Variants in PLCB3 observed in about 807,000 individuals in gnomAD.
The protein encoded by PLCB3 is phospholipase C beta 3.
In PLCB3, 54 loss-of-function variants were observed where a neutral mutation model predicts 152.1. The observed-to-expected ratio is 0.36, with a 90% confidence interval of 0.29 to 0.45. PLCB3 has a LOEUF of 0.45. Among genes scored for constraint, PLCB3 ranks in the 20% least tolerant of loss-of-function variants. The probability of loss-of-function intolerance (pLI) is 1.00; values close to 1 mark genes in which losing one functional copy is unlikely to be tolerated. For synonymous variants in PLCB3, 717 were observed against 698.7 expected, an observed-to-expected ratio of 1.03 and a Z score of -0.41; for missense variants, 1,248 against 1,687.5, an observed-to-expected ratio of 0.74 and a Z score of 4.56.
intron 19 of PLCB3, 80 bp downstream of exon 19, chr11:64,262,888 A>G (rs891604855): frequency 7.0e-7 from 1 of 1,432,432 alleles, no homozygotes; most frequent in Non-Finnish European, 9.6e-7. Context: ...GAGAACAGGA[A>G]CCAGGCACAC....
intron 1 of PLCB3, 64 bp downstream of exon 1, chr11:64,251,812 G>T (rs1024630954): frequency 2.5e-4 from 252 of 992,034 alleles, no homozygotes; most frequent in Admixed American, 1.3e-3. Flanking sequence ...TCGACCAGAC[G>T]CTGGGGACCC....
intron 25 of PLCB3, 69 bp downstream of exon 25, chr11:64,265,571 C>A: frequency 6.6e-7 from 1 of 1,504,702 alleles, no homozygotes; most frequent in South Asian, 1.2e-5. Flanking sequence ...GGTCGGTGGG[C>A]ATGGAGAGAT....
rs1388399699 is a variant in PLCB3, at chr11:64,251,758, C to A, written c.99+10C>A. The A allele has an allele frequency of 7.1e-6, 10 of 1,409,964 alleles. No homozygotes were observed. The highest frequency in any genetic ancestry group is 1.5e-5 in the African/African-American group (1 of 66,912). The allele number at this position is 1,409,964 out of a possible 1,614,324, so 87.3% of individuals were successfully genotyped here. A position where few individuals can be genotyped will look rare whatever the true frequency, so the allele number is the denominator to read the frequency against. On this transcript the variant is annotated intron_variant, in intron 1 of 30. Transcript: ENST00000279230. ...CATCAAATGGGACGAGGTAAGCGCG[C>A]GGGCCCCTGCTCCGCCCAAATCCCG...
Position 64,264,971 on chromosome 11 carries a change from G to A in PLCB3, c.2673G>A (p.Thr891=), listed in dbSNP as rs756447047. The A allele has an allele frequency of 1.7e-5, 28 of 1,612,808 alleles. No homozygotes were observed. The highest frequency in any genetic ancestry group is 1.4e-4 in the South Asian group (13 of 91,066). Residue 891 remains threonine, a synonymous_variant, in exon 23 of 31, where the codon ACG becomes ACA. Transcript: ENST00000279230. ...GESEAQAGQE[T]CQDTQSQQLG... ...TATAGGCTCAGGCTGGCCAAGAGAC[G>A]TGCCAGGACACCCAGTCTCAGCAGC... is the stretch of plus-strand genomic sequence containing the variant.
downstream of PLCB3, among the ~76,000 whole-genome samples, chr11:64,268,168 G>C (rs2032229270): frequency 6.6e-6 from 1 of 152,150 alleles, no homozygotes; most frequent in South Asian, 2.1e-4. Flanking sequence ...GGCTCTCCCT[G>C]TTCTCTCTTT....
At chr11:64,261,303 C>A in intron 14 of PLCB3, 97 bp from the exon 15 acceptor site, 1 of 883,754 alleles carries the variant, frequency 1.1e-6, no homozygotes, top group Non-Finnish European at 1.9e-6. Context: ...GTATATAGTG[C>A]TGGGAAGAGG....
chr11:64,261,385 G>T lies in PLCB3; in HGVS notation c.1732-15G>T. 6.2e-7 allele frequency: 1 copy of T among 1,607,530 alleles called. No individual in the cohort carries two copies. Among genetic ancestry groups the T allele is most frequent in the Admixed American group, 1.7e-5 (1 of 60,026 alleles). ...GGCGGGAATGGCACTGCTGACCCTG[G>T]GTTGGGGCCCACAGGGCACAGCCAG... On this transcript the variant is annotated splice_polypyrimidine_tract_variant and intron_variant, in intron 14 of 30. Coordinates refer to ENST00000279230, the MANE Select transcript of PLCB3 (RefSeq NM_000932.5).
At chr11:64,262,207 C>T (rs1395035778) in intron 17 of PLCB3, 131 bp downstream of exon 17, 7 of 1,372,386 alleles carry the variant, frequency 5.1e-6, no homozygotes, top group Non-Finnish European at 7.2e-6. Context: ...ACCCAGCTCC[C>T]GACTCACCCC....
chr11:64,259,310 G>T, intron 13 of PLCB3, 66 bp downstream of exon 13: 1 of 1,282,558 alleles, frequency 7.8e-7, no homozygotes, highest in South Asian at 1.5e-5. Flanking sequence ...TCCAGGCGCC[G>T]TGACACTTCA....
Position 64,254,993 on chromosome 11 carries a change from C to T in PLCB3, c.342C>T (p.Asn114=), listed in dbSNP as rs1279010866. 3 of 1,582,264 alleles carry T rather than the reference C, an allele frequency of 1.9e-6. No individual in the cohort carries two copies. The highest frequency in any genetic ancestry group is 1.3e-5 in the African/African-American group (1 of 74,230). ...MTVVSGPDPV[N]TVFLNFMAVQ... is the part of the protein sequence containing the mutation. ...TGGTGTCTGGGCCAGACCCAGTGAACACAGTGTTCTTGAACTTCATGGCCG... is the reference window on the plus strand; with the variant it reads ...TGGTGTCTGGGCCAGACCCAGTGAATACAGTGTTCTTGAACTTCATGGCCG... Residue 114 remains asparagine, a synonymous_variant, in exon 4 of 31, where the codon AAC becomes AAT. Coordinates refer to ENST00000279230, the MANE Select transcript of PLCB3 (RefSeq NM_000932.5).
rs769724159 is a variant in PLCB3, at chr11:64,255,685, C to T, written c.598-36C>T. On this transcript the variant is annotated intron_variant, in intron 7 of 30. Coordinates refer to ENST00000279230, the MANE Select transcript of PLCB3 (RefSeq NM_000932.5). This position sits in a 1 kb window ranked among gnomAD's most constrained non-coding sequence, Gnocchi z 6.8. ...GCACCCACCCTTACGGGGCTGCCCG[C>T]CCCTGGCTTCTCACCCCACACTCCT... is the stretch of plus-strand genomic sequence containing the variant. 3.1e-6 allele frequency: 5 copies of T among 1,609,278 alleles called. No individual in the cohort carries two copies. The highest frequency in any genetic ancestry group is 2.2e-5 in the East Asian group (1 of 44,854).
Position 64,256,634 on chromosome 11 carries a change from G to A in PLCB3, c.882G>A (p.Glu294=), listed in dbSNP as rs367708227. The A allele has an allele frequency of 3.7e-6, 6 of 1,614,054 alleles. No individual in the cohort carries two copies. The African/African-American group carries it at 8.0e-5, about 22-fold the overall frequency. The change falls in exon 10 of 31, where the codon GAG becomes GAA. Residue 294 remains glutamate (E), a synonymous_variant. Coordinates refer to ENST00000279230, the MANE Select transcript of PLCB3 (RefSeq NM_000932.5). ...QFLERDQMSM[E]GFSRYLGGEE... ...CCACCCCAGACCAGATGTCCATGGA[G>A]GGCTTTAGCCGCTACCTGGGAGGCG...
At chr11:64,262,104 C>T (rs2031883059) in intron 17 of PLCB3, 28 bp downstream of exon 17, 3 of 1,613,694 alleles carry the variant, frequency 1.9e-6, no homozygotes, top group Non-Finnish European at 1.7e-6. Flanking sequence ...CCATCTTGAC[C>T]CCGACCCTCA....
Position 64,260,202 on chromosome 11 carries a change from C to G in PLCB3, c.1699C>G (p.Gln567Glu), listed in dbSNP as rs2135054303. The G allele has an allele frequency of 1.9e-6, 3 of 1,579,916 alleles. No homozygotes were observed. The highest frequency in any genetic ancestry group is 1.9e-5 in the Admixed American group (1 of 54,050). ...DEEEDEEEEE[Q>E]TDPKKPTTDE... ...GGAGGAAGATGAGGAAGAGGAGGAA[C>G]AGACAGACCCCAAAAAGCCAACTAC... Residue 567 changes from glutamine (Q) to glutamate (E), a missense_variant, in exon 14 of 31, where the codon CAG (glutamine) becomes GAG (glutamate). Transcript: ENST00000279230.
rs1191983605 is a variant in PLCB3, at chr11:64,265,066, C to T, written c.2768C>T (p.Pro923Leu). ...GCCTCCCCCCGCCGGCCCCCTGGCC[C>T]CACCACCTCCCCTGCCAGCACCTCC... ...LDASPRRPPG[P>L]TTSPASTSLS... is the part of the protein sequence containing the mutation. The change falls in exon 23 of 31, where the codon CCC (proline) becomes CTC (leucine). Residue 923 changes from proline to leucine, a missense_variant. This residue lies in a region of PLCB3 where 477 missense variants were observed against 489.6 expected (regional missense o/e 0.97). Transcript: ENST00000279230. 3.9e-6 allele frequency: 6 copies of T among 1,543,530 alleles called. No homozygotes were observed. The African/African-American group carries it at 8.2e-5, about 21-fold the overall frequency.
In PLCB3 at chr11:64,255,106, G is replaced by A. The variant is rs1056763317; in HGVS notation, c.387+68G>A. On this transcript the variant is annotated intron_variant, in intron 4 of 30. Coordinates refer to ENST00000279230, the MANE Select transcript of PLCB3 (RefSeq NM_000932.5). This position sits in a 1 kb window ranked among gnomAD's most constrained non-coding sequence, Gnocchi z 6.8. The stretch of plus-strand genomic sequence containing the variant: ...TTCTGTGAGTCGGCCGTCACTTACC[G>A]AACACCTGCTGTGTTCTAGGCTGCT... 10 of 1,554,678 alleles carry A rather than the reference G, an allele frequency of 6.4e-6. No homozygotes were observed. Among genetic ancestry groups the A allele is most frequent in the African/African-American group, 1.4e-5 (1 of 73,712 alleles).
chr11:64,266,150 G>C lies in PLCB3; in HGVS notation c.3214G>C (p.Val1072Leu), dbSNP rs374742247. ...GGCTCTGCAGCGGCTCAGGGAGGTC[G>C]TCCTTGATGCAAACACAACTCAGTT... is the stretch of plus-strand genomic sequence containing the variant. ...RQALQRLREV[V>L]LDANTTQFKR... Residue 1072 changes from valine to leucine, a missense_variant, in exon 27 of 31, where the codon GTC becomes CTC. Physicochemically the swap from Val to Leu is conservative, Grantham distance 32. Around this residue, in one of 6 missense-constraint regions of PLCB3, gnomAD observed 477 missense variants for 489.6 expected, o/e 0.97. Transcript: ENST00000279230. The surrounding 1 kb of genome is among the most constrained non-coding windows in gnomAD (Gnocchi z 4.9). The C allele has an allele frequency of 1.2e-6, 2 of 1,613,972 alleles. No individual in the cohort carries two copies. The highest frequency in any genetic ancestry group is 2.7e-5 in the African/African-American group (2 of 74,904).
chr11:64,262,871 C>A, intron 19 of PLCB3, 63 bp downstream of exon 19: 1 of 1,531,138 alleles, frequency 6.5e-7, no homozygotes, highest in South Asian at 1.1e-5. Flanking sequence ...CCCCGACTCT[C>A]AGGTGGGAGA....
Position 64,256,446 on chromosome 11 carries a change from C to G in PLCB3, c.769C>G (p.Pro257Ala), listed in dbSNP as rs916502605. 6.2e-7 allele frequency: 1 copy of G among 1,613,812 alleles called. No homozygotes were observed. The highest frequency in any genetic ancestry group is 2.2e-5 in the East Asian group (1 of 44,876). The part of the protein sequence containing the change: ...MDFINQKQRD[P>A]RLNEVLYPPL... ...CTTCATCAACCAGAAGCAACGCGAC[C>G]CGAGACTCAACGAAGTGCTGTACCC... Residue 257 changes from proline (P) to alanine (A), a missense_variant, in exon 9 of 31, where the codon CCG (proline) becomes GCG (alanine). Physicochemically the swap from Pro to Ala is conservative, Grantham distance 27. Coordinates refer to ENST00000279230, the MANE Select transcript of PLCB3 (RefSeq NM_000932.5).
Sources: allele counts gnomAD v4.1 joint callset (sites outside exome capture counted in the v4.1 genomes callset), GRCh38; gene constraint gnomAD v4.1.1; regional missense constraint gnomAD v4.1.1; non-coding constraint Gnocchi (gnomAD v3.1); transcripts MANE v1.5; gene names NCBI Gene and HGNC (gene_info 2026-07-23, HGNC 2026-07-21).